The following RAB3C variants were observed in gnomAD, a reference collection of about 807,000 sequenced individuals.
RAB3C encodes the protein RAB3C, member RAS oncogene family.
RAB3C carries 17 observed loss-of-function variants against 26.4 expected under a neutral mutation model. The ratio of observed to expected loss-of-function variants is 0.64; its 90% CI spans 0.44 to 0.97. The LOEUF (loss-of-function observed/expected upper bound fraction) is 0.97. Among genes scored for constraint, RAB3C ranks in the 50% least tolerant of loss-of-function variants. The pLI is 0.00. For synonymous variants in RAB3C, 91 were observed against 95.9 expected (o/e 0.95, Z 0.30); for missense variants, 242 against 281.9 (o/e 0.86, Z 1.01).
chr5:58,653,941 T>C (rs114127389), intron 2 of RAB3C, among the ~76,000 whole-genome samples: 12 of 152,346 alleles, frequency 7.9e-5, no homozygotes, highest in Non-Finnish European at 1.2e-4. Flanking sequence ...ATTCATATCA[T>C]ACCAGCAGCC....
At chr5:58,776,223 C>T (rs897857373) in intron 3 of RAB3C, among the ~76,000 whole-genome samples, 1 of 152,124 alleles carries the variant, frequency 6.6e-6, no homozygotes, top group Non-Finnish European at 1.5e-5. Flanking sequence ...ATACAACTTC[C>T]TCATGCCTCA....
At chr5:58,711,315 T>A (rs902045960) in intron 2 of RAB3C, among the ~76,000 whole-genome samples, 2 of 152,178 alleles carry the variant, frequency 1.3e-5, no homozygotes, top group East Asian at 3.9e-4. Flanking sequence ...TTCGATTTTT[T>A]ACTCATTAAC....
chr5:58,812,918 T>C (rs912954706), intron 3 of RAB3C, among the ~76,000 whole-genome samples: 1 of 152,174 alleles, frequency 6.6e-6, no homozygotes, highest in Non-Finnish European at 1.5e-5. Context: ...TTTCTTTCTT[T>C]CCTCTCATAG....
intron 2 of RAB3C, among the ~76,000 whole-genome samples, chr5:58,725,287 C>A (rs1740863747): frequency 6.6e-6 from 1 of 151,754 alleles, no homozygotes; most frequent in Admixed American, 6.6e-5. Flanking sequence ...ATTGAGAAGC[C>A]TGTTGTCAGA....
At chr5:58,736,184 C>A (rs1741130040) in intron 3 of RAB3C, among the ~76,000 whole-genome samples, 1 of 152,204 alleles carries the variant, frequency 6.6e-6, no homozygotes, top group Non-Finnish European at 1.5e-5. Context: ...CTAGCCACAA[C>A]CTTAACAGCA....
intron 3 of RAB3C, among the ~76,000 whole-genome samples, chr5:58,819,449 T>C (rs1743290299): frequency 6.6e-6 from 1 of 152,234 alleles, no homozygotes; most frequent in African/African-American, 2.4e-5. Flanking sequence ...AGTTTATACT[T>C]CCTCATCTCT....
chr5:58,681,090 T>C (rs1489997952), intron 2 of RAB3C, among the ~76,000 whole-genome samples: 1 of 152,192 alleles, frequency 6.6e-6, no homozygotes, highest in African/African-American at 2.4e-5. Context: ...AGAAAATATA[T>C]GCTGTTTATG....
intron 3 of RAB3C, among the ~76,000 whole-genome samples, chr5:58,727,770 G>GC (rs1241819881): frequency 2.6e-5 from 4 of 152,042 alleles, no homozygotes; most frequent in South Asian, 2.1e-4. Context: ...GGCCAGAAGT[G>GC]CTATTATAAG....
intron 3 of RAB3C, among the ~76,000 whole-genome samples, chr5:58,735,055 T>C (rs952640017): frequency 6.6e-6 from 1 of 152,336 alleles, no homozygotes; most frequent in East Asian, 1.9e-4. Context: ...GACTCATGCC[T>C]GAAAGGTGCT....
rs534771507 is a variant in RAB3C, at chr5:58,675,882, T to C, written c.253-50120T>C. ...CAGCTTTCCCCTCTGGTCTCCTGGG[T>C]GGGTTCCTTTCCATTCTGCTCAAGT... On this transcript the variant is annotated intron_variant, in intron 2 of 4. Coordinates refer to ENST00000282878, the MANE Select transcript of RAB3C (RefSeq NM_138453.4). Among the ~76,000 whole-genome samples the C allele has an allele frequency of 3.3e-5, 5 of 152,222 alleles. No individual in the cohort carries two copies. In the South Asian group the frequency reaches 1.0e-3, roughly 32 times the overall value.
chr5:58,650,503 T>C (rs1747621356), intron 2 of RAB3C, among the ~76,000 whole-genome samples: 1 of 152,154 alleles, frequency 6.6e-6, no homozygotes, highest in South Asian at 2.1e-4. Context: ...AGTAATACGG[T>C]TTAACTGGTT....
chr5:58,812,127 AAAAC>A (rs1743105924), intron 3 of RAB3C, among the ~76,000 whole-genome samples: 1 of 152,220 alleles, frequency 6.6e-6, no homozygotes, highest in African/African-American at 2.4e-5. Flanking sequence ...AGAAAAAAGA[AAAAC>A]AAACCTACTT....
In RAB3C at chr5:58,854,010, T is replaced by C. The variant is rs1744174761; in HGVS notation, c.*2659T>C. On this transcript the variant is annotated 3_prime_UTR_variant, in exon 5 of 5. Coordinates refer to ENST00000282878, the MANE Select transcript of RAB3C (RefSeq NM_138453.4). ...TTACTTATAAATTATAACACTATAG[T>C]TCCAAGGTTTTTCAGCCTTTTGGCC... The C allele has an allele frequency of 6.7e-6, 1 of 149,392 alleles. No homozygotes were observed. Among genetic ancestry groups the C allele is most frequent in the Non-Finnish European group, 1.5e-5 (1 of 67,734 alleles). 9.3% of individuals were successfully genotyped at this position (149,392 alleles called of 1,614,324 possible).
At chr5:58,850,901 T>A (rs1208716248) in intron 4 of RAB3C, among the ~76,000 whole-genome samples, 1 of 152,216 alleles carries the variant, frequency 6.6e-6, no homozygotes, top group African/African-American at 2.4e-5. Context: ...ATGCTGATAA[T>A]GCAAATGAAT....
chr5:58,696,318 G>A (rs1161295019), intron 2 of RAB3C, among the ~76,000 whole-genome samples: 8 of 152,064 alleles, frequency 5.3e-5, no homozygotes, highest in African/African-American at 9.7e-5. Flanking sequence ...TGCTGGATTC[G>A]GTTTGCCAGT....
intron 3 of RAB3C, among the ~76,000 whole-genome samples, chr5:58,789,929 T>C (rs1301930326): frequency 2.0e-5 from 3 of 152,164 alleles, no homozygotes; most frequent in African/African-American, 4.8e-5. Context: ...CTTTAAAAAA[T>C]AGTTACGTCT....
chr5:58,826,181 G>T (rs1420460337), intron 4 of RAB3C, among the ~76,000 whole-genome samples: 1 of 152,088 alleles, frequency 6.6e-6, no homozygotes, highest in Non-Finnish European at 1.5e-5. Flanking sequence ...CCCCCGGGGA[G>T]ATCAGGTGTG....
At chr5:58,804,402 A>G (rs1742885509) in intron 3 of RAB3C, among the ~76,000 whole-genome samples, 1 of 152,148 alleles carries the variant, frequency 6.6e-6, no homozygotes, top group South Asian at 2.1e-4. Context: ...TCAGGAATGA[A>G]TTGTTCCATT....
intron 1 of RAB3C, among the ~76,000 whole-genome samples, chr5:58,608,438 T>C (rs924953172): frequency 2.0e-5 from 3 of 152,074 alleles, no homozygotes; most frequent in African/African-American, 7.2e-5. Flanking sequence ...CATGAAAAAA[T>C]GCTCATCATC....
Sources: gnomAD v4.1 joint callset for allele counts (sites outside exome capture counted in the v4.1 genomes callset) on GRCh38, gnomAD v4.1.1 for gene constraint, MANE v1.5 for transcripts, NCBI Gene and HGNC (gene_info 2026-07-23, HGNC 2026-07-21) for gene names.